ITGB3: variants seen among roughly 807,000 people sequenced by gnomAD.
The protein encoded by ITGB3 is integrin beta-3.
In ITGB3, 48 loss-of-function variants were observed where a neutral mutation model predicts 85.8. The ratio of observed to expected loss-of-function variants is 0.56; its 90% CI spans 0.44 to 0.71. ITGB3 has a LOEUF of 0.71. Ranked by LOEUF, ITGB3 falls within the 30% of genes least tolerant of loss-of-function variation. The pLI is 0.00. For synonymous variants in ITGB3, 363 were observed against 395.6 expected, an observed-to-expected ratio of 0.92 and a Z score of 0.98; for missense variants, 861 against 1,019.1, an observed-to-expected ratio of 0.84 and a Z score of 2.11.
At chr17:47,294,705 C>G (rs754644877) in intron 10 of ITGB3, among the ~76,000 whole-genome samples, 1 of 152,224 alleles carries the variant, frequency 6.6e-6, no homozygotes, top group Non-Finnish European at 1.5e-5. Flanking sequence ...TGAGCACTTG[C>G]TCTGTGCCAT....
At position 47,267,789 on chromosome 17, in the gene ITGB3, A is replaced by G. The variant is rs372395850; in HGVS notation, c.80-6630A>G. Reference sequence around the variant, plus strand: ...GCTACAAGTCAAGGACTCATAGGGAAATGCTAATTTGAGAATGAATGGGTG... The same window carrying G: ...GCTACAAGTCAAGGACTCATAGGGAGATGCTAATTTGAGAATGAATGGGTG... On this transcript the variant is annotated intron_variant, in intron 1 of 14. Transcript: ENST00000559488. 2.4e-4 allele frequency among the ~76,000 whole-genome samples: 37 copies of G among 152,188 alleles called. No individual in the cohort carries two copies. In the East Asian group the frequency reaches 2.7e-3, roughly 11 times the overall value.
intron 11 of ITGB3, 142 bp from the exon 12 acceptor site, chr17:47,300,336 C>CGCGT (rs376389757): frequency 0.021 from 7,694 of 363,854 alleles, 39 homozygotes; most frequent in Non-Finnish European, 0.028. Context: ...GTCTTACAGG[C>CGCGT]GCGCGCGCGC....
chr17:47,295,752 G>A (rs1309407767), intron 10 of ITGB3, among the ~76,000 whole-genome samples: 1 of 141,200 alleles, frequency 7.1e-6, no homozygotes, highest in Non-Finnish European at 1.5e-5. Flanking sequence ...GCCAAATGCA[G>A]GGTGTAGTGA....
In ITGB3 at chr17:47,299,614, T is replaced by C. The variant is rs1415024852; in HGVS notation, c.1913+84T>C. 17 of 1,274,954 alleles carry C rather than the reference T, an allele frequency of 1.3e-5. No individual in the cohort carries two copies. The Admixed American group carries it at 1.5e-4, about 12-fold the overall frequency. The allele number at this position is 1,274,954 out of a possible 1,614,324, so 79.0% of individuals were successfully genotyped here. On this transcript the variant is annotated intron_variant, in intron 11 of 14. Transcript: ENST00000559488. The surrounding 1 kb of genome is among the most constrained non-coding windows in gnomAD (Gnocchi z 5.1). ...TAGAATCCCCAGCTCTCCAGGTGTGTTTCTTGCTCACCAGAGCCTTAGGGA... is the reference window on the plus strand; with the variant it reads ...TAGAATCCCCAGCTCTCCAGGTGTGCTTCTTGCTCACCAGAGCCTTAGGGA...
rs2065211373 is a variant in ITGB3, at chr17:47,310,786, A to G, written c.*582A>G. Reference sequence around the variant, plus strand: ...CCGAAGGAGGAGTCAGGGAGAGCTGAACTATTAGAGCTGCCTGTGCCTTTT... The same window carrying G: ...CCGAAGGAGGAGTCAGGGAGAGCTGGACTATTAGAGCTGCCTGTGCCTTTT... On this transcript the variant is annotated 3_prime_UTR_variant, in exon 15 of 15. Coordinates refer to ENST00000559488, the MANE Select transcript of ITGB3 (RefSeq NM_000212.3). 1 of 184,950 alleles carries G rather than the reference A, an allele frequency of 5.4e-6. No homozygotes were observed. Among genetic ancestry groups the G allele is most frequent in the Non-Finnish European group, 1.2e-5 (1 of 86,060 alleles). 11.5% of individuals were successfully genotyped at this position (184,950 alleles called of 1,614,324 possible). A position where few individuals can be genotyped will look rare whatever the true frequency, so the allele number is the denominator to read the frequency against.
chr17:47,312,118 TCTA>T lies in ITGB3; in HGVS notation c.*1915_*1917del, dbSNP rs377459949. On this transcript the variant is annotated 3_prime_UTR_variant, in exon 15 of 15. Coordinates refer to ENST00000559488, the MANE Select transcript of ITGB3 (RefSeq NM_000212.3). The stretch of plus-strand genomic sequence containing the variant: ...TCACCTTTCTCAATGAAAGTCTCAT[TCTA>T]TCCTCTCTCCAAACCCGTTTTCCAA... Among the ~76,000 whole-genome samples, 103 of 152,314 alleles carry T rather than the reference TCTA, an allele frequency of 6.8e-4. 1 individual carries two copies. Among genetic ancestry groups the T allele is most frequent in the African/African-American group, 2.2e-3 (92 of 41,574 alleles).
rs186336620 is a variant in ITGB3, at chr17:47,291,078, T to C, written c.1250T>C (p.Ile417Thr). The C allele has an allele frequency of 5.0e-6, 8 of 1,613,992 alleles. No homozygotes were observed. The highest frequency in any genetic ancestry group is 6.8e-6 in the Non-Finnish European group (8 of 1,180,024). The change falls in exon 9 of 15, where the codon ATT becomes ACT. Residue 417 changes from isoleucine (I) to threonine (T), a missense_variant. Transcript: ENST00000559488. Reference protein sequence around the residue: ...PGLKSCMGLKIGDTVSFSIEA... With the variant: ...PGLKSCMGLKTGDTVSFSIEA... ...CTCAAGTCTTGTATGGGACTCAAGA[T>C]TGGAGACACGGTGAGGTGGGCTGGG...
At chr17:47,300,338 C>CGTGTGTGTGT (rs79567369) in intron 11 of ITGB3, 140 bp from the exon 12 acceptor site, 16 of 665,776 alleles carry the variant, frequency 2.4e-5, no homozygotes, top group Middle Eastern at 3.9e-4. Context: ...CTTACAGGCG[C>CGTGTGTGTGT]GCGCGCGCGT....
In ITGB3 at chr17:47,308,396, C is replaced by T. The variant is rs942372963; in HGVS notation, c.2301+759C>T. Among the ~76,000 whole-genome samples, 90 of 152,064 alleles carry T rather than the reference C, an allele frequency of 5.9e-4. 1 individual carries two copies. The highest frequency in any genetic ancestry group is 2.1e-3 in the African/African-American group (88 of 41,394). On this transcript the variant is annotated intron_variant, in intron 14 of 14. Coordinates refer to ENST00000559488, the MANE Select transcript of ITGB3 (RefSeq NM_000212.3). ...TCCAGAGTTAGGCTGCAAGTTTGTT[C>T]CCATTTGATGTTGACCCCAGAGCTT...
Position 47,284,782 on chromosome 17 carries a change from T to G in ITGB3, c.614+87T>G. On this transcript the variant is annotated intron_variant, in intron 4 of 14. Transcript: ENST00000559488. ...TTCCTATTTCTAGCTCTAGGATCACTTTGTTGGCTGTCTTCTTGCCAAACT... is the reference window on the plus strand; with the variant it reads ...TTCCTATTTCTAGCTCTAGGATCACGTTGTTGGCTGTCTTCTTGCCAAACT... 2.6e-6 allele frequency: 4 copies of G among 1,561,210 alleles called. No homozygotes were observed. The East Asian group carries it at 9.0e-5, about 35-fold the overall frequency.
intron 13 of ITGB3, 138 bp from the exon 14 acceptor site, chr17:47,307,333 T>TA (rs1228791338): frequency 1.4e-5 from 13 of 950,666 alleles, no homozygotes; most frequent in African/African-American, 6.5e-5. Context: ...ATTGTCTCCT[T>TA]AAAAAAATTA....
Position 47,256,060 on chromosome 17 carries a change from C to T in ITGB3, c.79+2120C>T, listed in dbSNP as rs1029601081. Reference sequence around the variant, plus strand: ...TGAGATGCTTGCTTCCATGCACTTACGACAATTTTTGCTGTCATTAAAAAA... The same window carrying T: ...TGAGATGCTTGCTTCCATGCACTTATGACAATTTTTGCTGTCATTAAAAAA... On this transcript the variant is annotated intron_variant, in intron 1 of 14. Transcript: ENST00000559488. Among the ~76,000 whole-genome samples, 10 of 152,158 alleles carry T rather than the reference C, an allele frequency of 6.6e-5. No homozygotes were observed. In the East Asian group the frequency reaches 1.3e-3, roughly 20 times the overall value.
rs560058706 is a variant in ITGB3, at chr17:47,256,412, G to A, written c.79+2472G>A. On this transcript the variant is annotated intron_variant, in intron 1 of 14. Transcript: ENST00000559488. ...GCTGAGCTAGCCCCACACTCTCTCT[G>A]AGAAGCAGTGTACAGTAGTGTTTAA... is the stretch of plus-strand genomic sequence containing the variant. 2.1e-3 allele frequency among the ~76,000 whole-genome samples: 327 copies of A among 152,148 alleles called. 2 individuals are homozygous for A. The highest frequency in any genetic ancestry group is 7.2e-3 in the African/African-American group (299 of 41,504).
At chr17:47,267,155 G>A (rs1474320369) in intron 1 of ITGB3, among the ~76,000 whole-genome samples, 4 of 152,204 alleles carry the variant, frequency 2.6e-5, no homozygotes, top group African/African-American at 9.7e-5. Flanking sequence ...TGTTCCAGCT[G>A]TTGTGCTCAG....
In ITGB3 at chr17:47,307,595, C is replaced by T. The variant is rs546345692; in HGVS notation, c.2259C>T (p.Phe753=). 173 of 1,614,032 alleles carry T rather than the reference C, an allele frequency of 1.1e-4. No individual in the cohort carries two copies. The highest frequency in any genetic ancestry group is 8.2e-4 in the South Asian group (75 of 91,080). ...LLITIHDRKE[F]AKFEEERARA... ...TCACCATCCACGACCGAAAAGAATT[C>T]GCTAAATTTGAGGAAGAACGCGCCA... The change falls in exon 14 of 15, where the codon TTC becomes TTT. Residue 753 remains phenylalanine, a synonymous_variant. Transcript: ENST00000559488.
chr17:47,302,198 G>C (rs1399377035), intron 12 of ITGB3, among the ~76,000 whole-genome samples: 2 of 152,002 alleles, frequency 1.3e-5, no homozygotes, highest in Admixed American at 1.3e-4. Context: ...GAGGTATACT[G>C]GATCAGAAAC....
chr17:47,253,997 C>A, intron 1 of ITGB3, 57 bp downstream of exon 1: 1 of 1,153,810 alleles, frequency 8.7e-7, no homozygotes, highest in Non-Finnish European at 1.1e-6. Context: ...GCGCCCCGGT[C>A]AAGTTGCGGA....
At position 47,287,136 on chromosome 17, in the gene ITGB3, A is replaced by G. The variant is rs1461824625; in HGVS notation, c.844A>G (p.Ile282Val). Residue 282 changes from isoleucine to valine, a missense_variant, in exon 6 of 15, where the codon ATA becomes GTA. Ile to Val is a conservative substitution (Grantham distance 29, BLOSUM62 3). Coordinates refer to ENST00000559488, the MANE Select transcript of ITGB3 (RefSeq NM_000212.3). Reference sequence around the variant, plus strand: ...GTTTACCACTGATGCCAAGACTCATATAGCATTGGACGGAAGGCTGGCAGG... The same window carrying G: ...GTTTACCACTGATGCCAAGACTCATGTAGCATTGGACGGAAGGCTGGCAGG... ...LVFTTDAKTH[I>V]ALDGRLAGIV... 3.7e-6 allele frequency: 6 copies of G among 1,613,982 alleles called. No homozygotes were observed. Among genetic ancestry groups the G allele is most frequent in the Non-Finnish European group, 5.1e-6 (6 of 1,179,856 alleles).
In ITGB3 at chr17:47,308,595, C is replaced by G. The variant is rs568775130; in HGVS notation, c.2301+958C>G. ...TTGGCTCACTGCAACCTTGGCCTCT[C>G]AGGTTCAAGTGATTCTCCTGCCTCA... On this transcript the variant is annotated intron_variant, in intron 14 of 14. Transcript: ENST00000559488. 6.6e-5 allele frequency among the ~76,000 whole-genome samples: 10 copies of G among 152,206 alleles called. No individual in the cohort carries two copies. The South Asian group carries it at 1.9e-3, about 28-fold the overall frequency.
Sources: gnomAD v4.1 joint callset for allele counts (sites outside exome capture counted in the v4.1 genomes callset) on GRCh38, gnomAD v4.1.1 for gene constraint, Gnocchi (gnomAD v3.1) non-coding constraint, MANE v1.5 for transcripts, NCBI Gene and HGNC (gene_info 2026-07-23, HGNC 2026-07-21) for gene names.